Variants in ADAT1 observed in about 807,000 individuals in gnomAD.
The protein encoded by ADAT1 is tRNA-specific adenosine deaminase 1.
A neutral mutation model predicts 58.6 loss-of-function variants in ADAT1; 58 were observed. That is an observed-to-expected ratio of 0.99 (90% CI 0.80 to 1.23). The LOEUF is 1.23. Ranked by LOEUF, ADAT1 falls within the 50% of genes most tolerant of loss-of-function variation. The pLI, the probability that ADAT1 is intolerant of heterozygous loss-of-function variation, is 0.00. For missense variants in ADAT1, 741 were observed against 608.6 expected, an observed-to-expected ratio of 1.22 and a Z score of -2.29; for synonymous variants, 254 against 220.8, an observed-to-expected ratio of 1.15 and a Z score of -1.33.
At chr16:75,605,685 C>T (rs927053608) in intron 8 of ADAT1, among the ~76,000 whole-genome samples, 1 of 151,828 alleles carries the variant, frequency 6.6e-6, no homozygotes, top group Non-Finnish European at 1.5e-5. Flanking sequence ...TCTGTAATCC[C>T]AGCACTTTGG....
rs2081109807 is a variant in ADAT1 at position 75,597,738 on chromosome 16, T to C, written c.*2478A>G. 6.6e-6 allele frequency among the ~76,000 whole-genome samples: 1 copy of C among 152,216 alleles called. No homozygotes were observed. The highest frequency in any genetic ancestry group is 2.1e-4 in the South Asian group (1 of 4,834). On this transcript the variant is annotated 3_prime_UTR_variant, in exon 10 of 10. Transcript: ENST00000564657. ...GACACTGACAGATCATCAGGCATTA[T>C]ATTCTCATAAGGAGTGTGCAACCTA...
intron 6 of ADAT1, among the ~76,000 whole-genome samples, chr16:75,611,620 A>T (rs1281825647): frequency 6.6e-6 from 1 of 151,908 alleles, no homozygotes; most frequent in Non-Finnish European, 1.5e-5. Flanking sequence ...GTGCTCAAGC[A>T]ATCCGCCCCC....
chr16:75,622,370 A>G (rs2081959543), intron 1 of ADAT1, 33 bp downstream of exon 1: 1 of 152,192 alleles, frequency 6.6e-6, no homozygotes, highest in African/African-American at 2.4e-5. Context: ...AGAAAGCATG[A>G]GATCCTAGAA....
At chr16:75,617,497 G>A (rs543738433) in intron 4 of ADAT1, among the ~76,000 whole-genome samples, 1 of 152,064 alleles carries the variant, frequency 6.6e-6, no homozygotes, top group Admixed American at 6.6e-5. Flanking sequence ...AACTGGCCTC[G>A]GTGGCTCATA....
chr16:75,618,626 C>T lies in ADAT1; in HGVS notation c.253G>A (p.Asp85Asn). The change falls in exon 4 of 10, where the codon GAT becomes AAT. Residue 85 changes from aspartate (D) to asparagine (N), a missense_variant. Transcript: ENST00000564657. The part of the protein sequence containing the change: ...KMRKNGDILN[D>N]SHAEVIARRS... ...CTGGCTATGACCTCAGCATGGCTAT[C>T]ATTGAGGATGTCTCCTGCGGCAAAG... 6.2e-7 allele frequency: 1 copy of T among 1,612,462 alleles called. No homozygotes were observed. Among genetic ancestry groups the T allele is most frequent in the East Asian group, 2.2e-5 (1 of 44,800 alleles).
At position 75,604,486 on chromosome 16, in the gene ADAT1, C is replaced by T. The variant is rs866242545; in HGVS notation, c.1290-1315G>A. Among the ~76,000 whole-genome samples, 360 of 112,952 alleles carry T rather than the reference C, an allele frequency of 3.2e-3. 2 individuals carry two copies. Among genetic ancestry groups the T allele is most frequent in the African/African-American group, 9.9e-3 (248 of 25,132 alleles). The allele number at this position is 112,952 out of a possible 152,430, so 74.1% of individuals were successfully genotyped here. ...ATATATATATATATACACACACACACACACACACACACACACACACACACA... is the reference window on the plus strand; with the variant it reads ...ATATATATATATATACACACACACATACACACACACACACACACACACACA... On this transcript the variant is annotated intron_variant, in intron 8 of 9. Coordinates refer to ENST00000564657, the MANE Select transcript of ADAT1 (RefSeq NM_001324445.2).
At chr16:75,622,271 C>T (rs1298591072) in intron 1 of ADAT1, 132 bp downstream of exon 1, 1 of 152,186 alleles carries the variant, frequency 6.6e-6, no homozygotes, top group African/African-American at 2.4e-5. Flanking sequence ...ACTGGTAAAT[C>T]AGACCACAGT....
At chr16:75,609,577 T>TAATTC (rs562964416) in intron 6 of ADAT1, among the ~76,000 whole-genome samples, 89 of 152,224 alleles carry the variant, frequency 5.8e-4, no homozygotes, top group Non-Finnish European at 9.7e-4. Flanking sequence ...TTAAAGTGGA[T>TAATTC]AATTCAATTG....
chr16:75,600,301 G>A lies in ADAT1; in HGVS notation c.1424C>T (p.Ser475Phe), dbSNP rs1597083531. ...GAGTGTGCTCCAGGCTTCCTGGTAA[G>A]AGGACGCAGCCTCCTTGTACTCCTG... is the stretch of plus-strand genomic sequence containing the variant. ...TYQEYKEAAS[S>F]YQEAWSTLRK... The change falls in exon 10 of 10, where the codon TCT (serine) becomes TTT (phenylalanine). Residue 475 changes from serine to phenylalanine, a missense_variant. Transcript: ENST00000564657. 1.2e-6 allele frequency: 2 copies of A among 1,614,122 alleles called. No homozygotes were observed. The highest frequency in any genetic ancestry group is 2.2e-5 in the South Asian group (2 of 91,070).
chr16:75,617,894 C>T (rs1206994829), intron 4 of ADAT1, among the ~76,000 whole-genome samples: 16 of 148,244 alleles, frequency 1.1e-4, no homozygotes, highest in Non-Finnish European at 2.1e-4. Flanking sequence ...CAACACCAGC[C>T]TGGGTAGCAT....
intron 6 of ADAT1, among the ~76,000 whole-genome samples, chr16:75,610,903 G>A (rs1383415045): frequency 6.6e-6 from 1 of 152,162 alleles, no homozygotes; most frequent in Non-Finnish European, 1.5e-5. Context: ...CTTAAGGCCA[G>A]GAGTTCAAGA....
At chr16:75,604,202 A>G (rs2081300722) in intron 8 of ADAT1, among the ~76,000 whole-genome samples, 2 of 151,844 alleles carry the variant, frequency 1.3e-5, no homozygotes, top group Admixed American at 1.3e-4. Context: ...GCTGAGGTGA[A>G]TGAGCAGATC....
intron 8 of ADAT1, among the ~76,000 whole-genome samples, chr16:75,604,166 T>G (rs1249879420): frequency 6.6e-6 from 1 of 151,980 alleles, no homozygotes; most frequent in Non-Finnish European, 1.5e-5. Flanking sequence ...CAGTGGCTCA[T>G]GCCTGTAATC....
intron 3 of ADAT1, among the ~76,000 whole-genome samples, chr16:75,619,157 C>T (rs755418933): frequency 2.0e-5 from 3 of 152,142 alleles, no homozygotes; most frequent in East Asian, 3.9e-4. Context: ...TCCTCATATA[C>T]AGGAGGTTAA....
intron 5 of ADAT1, among the ~76,000 whole-genome samples, chr16:75,615,449 A>G (rs2081671684): frequency 6.7e-6 from 1 of 148,680 alleles, no homozygotes; most frequent in African/African-American, 2.5e-5. Flanking sequence ...CCACACACAA[A>G]ATACACGAAC....
At chr16:75,610,730 T>C (rs2081506147) in intron 6 of ADAT1, among the ~76,000 whole-genome samples, 1 of 152,210 alleles carries the variant, frequency 6.6e-6, no homozygotes, top group African/African-American at 2.4e-5. Flanking sequence ...CCTGCCCTCA[T>C]TTCCTATAGC....
chr16:75,604,458 T>TAA (rs1567464627), intron 8 of ADAT1, among the ~76,000 whole-genome samples: 1 of 30,850 alleles, frequency 3.2e-5, no homozygotes, highest in Non-Finnish European at 4.7e-5. Flanking sequence ...AAAAAAAAAA[T>TAA]ATATATATAT....
At chr16:75,600,739 AAT>A (rs80089771) in intron 9 of ADAT1, among the ~76,000 whole-genome samples, 14,735 of 152,210 alleles carry the variant, frequency 0.097, 2,355 homozygotes, top group East Asian at 0.7. Flanking sequence ...CTTCTTCAAC[AAT>A]ATGTTACATT....
At chr16:75,619,893 CAAAAAAAAAAA>C (rs750598792) in intron 3 of ADAT1, 33 of 98,472 alleles carry the variant, frequency 3.4e-4, no homozygotes, top group Non-Finnish European at 6.1e-5. Flanking sequence ...GACTCCGAGT[CAAAAAAAAAAA>C]AAAAAAAAAA....
Sources: gnomAD v4.1 joint callset for allele counts (sites outside exome capture counted in the v4.1 genomes callset) on GRCh38, gnomAD v4.1.1 for gene constraint, MANE v1.5 for transcripts, NCBI Gene and HGNC (gene_info 2026-07-23, HGNC 2026-07-21) for gene names.